PCDHA5: variants seen among roughly 807,000 people sequenced by gnomAD.
The protein encoded by PCDHA5 is protocadherin alpha-5.
A neutral mutation model predicts 61.6 loss-of-function variants in PCDHA5; 43 were observed. That is an observed-to-expected ratio of 0.70 (90% CI 0.55 to 0.90). PCDHA5 has a LOEUF of 0.90. PCDHA5 is among the 40% of genes least tolerant of loss of function. The pLI, the probability that PCDHA5 is intolerant of heterozygous loss-of-function variation, is 0.00. For missense variants in PCDHA5, 1,298 were observed against 1,222.7 expected, an observed-to-expected ratio of 1.06 and a Z score of -0.92; for synonymous variants, 627 against 543.9, an observed-to-expected ratio of 1.15 and a Z score of -2.13.
At chr5:140,967,957 C>A in intron 1 of PCDHA5, 1 of 1,614,222 alleles carries the variant, frequency 6.2e-7, no homozygotes, top group Admixed American at 1.7e-5. Context: ...CAGGCCCCAA[C>A]CGGAAAGTGA....
intron 1 of PCDHA5, among the ~76,000 whole-genome samples, chr5:140,937,540 C>T (rs2091570481): frequency 2.0e-5 from 3 of 152,116 alleles, no homozygotes; most frequent in East Asian, 3.9e-4. Flanking sequence ...TTGCTTGAAC[C>T]TGCGAGGCAG....
intron 1 of PCDHA5, chr5:140,969,531 A>G: frequency 7.4e-7 from 1 of 1,356,026 alleles, no homozygotes; most frequent in South Asian, 1.6e-5. Context: ...TTTATTTTTC[A>G]TTTTCAGAGG....
chr5:140,836,349 G>A (rs2150258385), intron 1 of PCDHA5: 52 of 1,613,592 alleles, frequency 3.2e-5, no homozygotes, highest in Non-Finnish European at 4.4e-5. Flanking sequence ...GGACCACGGG[G>A]AGCCCTCGCT....
At chr5:140,870,587 A>T (rs1185262788) in intron 1 of PCDHA5, 2 of 1,613,660 alleles carry the variant, frequency 1.2e-6, no homozygotes, top group East Asian at 2.2e-5. Flanking sequence ...TCGCTGGTGG[A>T]GCGGCGGTTG....
At chr5:140,830,591 CA>C (rs1263490069) in intron 1 of PCDHA5, 1 of 718,270 alleles carries the variant, frequency 1.4e-6, no homozygotes, top group Non-Finnish European at 2.0e-6. Flanking sequence ...ATTAATTTTA[CA>C]AAATTACATA....
intron 1 of PCDHA5, among the ~76,000 whole-genome samples, chr5:140,915,626 G>GTCTCTC (rs57920489): frequency 0.011 from 1,557 of 146,506 alleles, 25 homozygotes; most frequent in African/African-American, 0.018. Flanking sequence ...GTCTCTTTCT[G>GTCTCTC]TCTCTCTCTC....
chr5:140,964,747 G>C (rs1170890203), intron 1 of PCDHA5, among the ~76,000 whole-genome samples: 3 of 151,868 alleles, frequency 2.0e-5, no homozygotes, highest in Non-Finnish European at 4.4e-5. Context: ...AATTATTGTA[G>C]GGATGTTTGG....
chr5:140,877,964 T>C lies in PCDHA5; in HGVS notation c.2352+53837T>C, dbSNP rs1582419472. On this transcript the variant is annotated intron_variant, in intron 1 of 3. Coordinates refer to ENST00000529859, the MANE Select transcript of PCDHA5 (RefSeq NM_018908.3). ...AAACTATCGAATGTCTCATCTTTCTTGGTCATTCTTACTCATTTTGAACTT... is the reference window on the plus strand; with the variant it reads ...AAACTATCGAATGTCTCATCTTTCTCGGTCATTCTTACTCATTTTGAACTT... 3 of 1,310,338 alleles carry C rather than the reference T, an allele frequency of 2.3e-6. No individual in the cohort carries two copies. The East Asian group carries it at 7.9e-5, about 34-fold the overall frequency. 81.2% of individuals were successfully genotyped at this position (1,310,338 alleles called of 1,614,324 possible). A position where few individuals can be genotyped will look rare whatever the true frequency, so the allele number is the denominator to read the frequency against.
intron 1 of PCDHA5, among the ~76,000 whole-genome samples, chr5:140,889,614 AT>A (rs1488109035): frequency 5.9e-5 from 9 of 151,496 alleles, no homozygotes; most frequent in Admixed American, 5.9e-4. Flanking sequence ...AATTATACTG[AT>A]TCATTTCTCT....
intron 3 of PCDHA5, among the ~76,000 whole-genome samples, chr5:140,987,213 C>CAA (rs58319157): frequency 8.4e-5 from 10 of 118,874 alleles, no homozygotes; most frequent in Non-Finnish European, 1.2e-4. Flanking sequence ...GACTCCATCT[C>CAA]AAAAAAAAAA....
chr5:140,927,432 C>G lies in PCDHA5; in HGVS notation c.2353-51517C>G, dbSNP rs781874569. The G allele has an allele frequency of 6.8e-6, 11 of 1,614,124 alleles. No homozygotes were observed. The East Asian group carries it at 2.5e-4, about 36-fold the overall frequency. On this transcript the variant is annotated intron_variant, in intron 1 of 3. Transcript: ENST00000529859. Reference sequence around the variant, plus strand: ...ACATGGGATCGCGGGTTGACGGCAGCGAATACCCGGAGTTGGTGTTGGAGA... The same window carrying G: ...ACATGGGATCGCGGGTTGACGGCAGGGAATACCCGGAGTTGGTGTTGGAGA...
At chr5:141,000,410 TA>T (rs2097918693) in intron 3 of PCDHA5, among the ~76,000 whole-genome samples, 2 of 101,940 alleles carry the variant, frequency 2.0e-5, no homozygotes, top group African/African-American at 7.8e-5. Flanking sequence ...TATATATATA[TA>T]TATATATATA....
intron 1 of PCDHA5, among the ~76,000 whole-genome samples, chr5:140,839,389 GAT>G (rs2150297251): frequency 1.3e-5 from 2 of 151,658 alleles, no homozygotes; most frequent in African/African-American, 4.9e-5. Flanking sequence ...TTATGATGAT[GAT>G]GATGATTATT....
At chr5:140,849,820 C>A (rs2150451868) in intron 1 of PCDHA5, 1 of 1,598,424 alleles carries the variant, frequency 6.3e-7, no homozygotes, top group South Asian at 1.1e-5. Context: ...GCCAGGGTGT[C>A]TGTGGAGGTG....
chr5:140,829,360 G>A, intron 1 of PCDHA5: 2 of 1,614,228 alleles, frequency 1.2e-6, no homozygotes, highest in Non-Finnish European at 1.7e-6. Context: ...CCTATGAGTT[G>A]GTGGTAACCG....
At chr5:140,992,805 A>G (rs2097529327) in intron 3 of PCDHA5, among the ~76,000 whole-genome samples, 1 of 152,078 alleles carries the variant, frequency 6.6e-6, no homozygotes, top group Non-Finnish European at 1.5e-5. Flanking sequence ...ATCCATATGT[A>G]TCTAAGGATG....
chr5:140,977,701 G>A (rs1299788207), intron 1 of PCDHA5, among the ~76,000 whole-genome samples: 2 of 152,146 alleles, frequency 1.3e-5, no homozygotes, highest in African/African-American at 4.8e-5. Context: ...AAATCTGTCT[G>A]AATATTGAGA....
intron 1 of PCDHA5, among the ~76,000 whole-genome samples, chr5:140,941,916 A>G (rs191775899): frequency 2.8e-3 from 421 of 152,316 alleles, no homozygotes; most frequent in Middle Eastern, 6.8e-3. Flanking sequence ...GCTTTTATGT[A>G]TATCTTAAAA....
intron 1 of PCDHA5, chr5:140,969,131 A>G: frequency 6.2e-7 from 1 of 1,614,138 alleles, no homozygotes; most frequent in South Asian, 1.1e-5. Flanking sequence ...CTCCCTCACC[A>G]AGACCTACTG....
Sources: gnomAD v4.1 joint callset for allele counts (sites outside exome capture counted in the v4.1 genomes callset) on GRCh38, gnomAD v4.1.1 for gene constraint, MANE v1.5 for transcripts, NCBI Gene and HGNC (gene_info 2026-07-23, HGNC 2026-07-21) for gene names.